Variants in ZBTB20 observed in about 807,000 individuals in gnomAD.
ZBTB20 encodes zinc finger and BTB domain-containing protein 20.
Under a neutral mutation model 56.9 loss-of-function variants are expected in ZBTB20, and 9 were observed. The ratio of observed to expected loss-of-function variants is 0.16; its 90% CI spans 0.10 to 0.28. ZBTB20 has a LOEUF of 0.28. Among genes scored for constraint, ZBTB20 ranks in the 10% least tolerant of loss-of-function variants. ZBTB20 has a pLI of 1.00. For missense variants in ZBTB20, 655 were observed against 1,003.0 expected, an observed-to-expected ratio of 0.65 and a Z score of 4.69; for synonymous variants, 417 against 420.7, an observed-to-expected ratio of 0.99 and a Z score of 0.11.
intron 6 of ZBTB20, among the ~76,000 whole-genome samples, chr3:114,610,295 C>T (rs1191779327): frequency 1.3e-5 from 2 of 152,164 alleles, no homozygotes; most frequent in African/African-American, 4.8e-5. Context: ...ACAAATGCAC[C>T]CACTAATGGG....
chr3:114,632,098 C>CGTAA (rs1437810495), intron 6 of ZBTB20, among the ~76,000 whole-genome samples: 1 of 152,162 alleles, frequency 6.6e-6, no homozygotes, highest in Non-Finnish European at 1.5e-5. Flanking sequence ...TCCGTTTTTA[C>CGTAA]CTATGTCTGG....
chr3:114,473,846 T>C (rs575221800), intron 7 of ZBTB20, among the ~76,000 whole-genome samples: 2 of 152,256 alleles, frequency 1.3e-5, no homozygotes, highest in Admixed American at 1.3e-4. Context: ...CCCAGAGAAG[T>C]AAGAGGTACA....
At chr3:114,756,994 C>G (rs1414673932) in intron 5 of ZBTB20, among the ~76,000 whole-genome samples, 1 of 152,084 alleles carries the variant, frequency 6.6e-6, no homozygotes, top group African/African-American at 2.4e-5. Context: ...TGTTGCTTTT[C>G]CCCTCAGCAT....
intron 7 of ZBTB20, among the ~76,000 whole-genome samples, chr3:114,457,117 G>C (rs890301736): frequency 1.3e-5 from 2 of 152,220 alleles, no homozygotes; most frequent in African/African-American, 4.8e-5. Flanking sequence ...ATACCTGATA[G>C]GCCAGAGCCC....
chr3:114,478,271 T>C (rs775087897), intron 7 of ZBTB20, among the ~76,000 whole-genome samples: 15 of 152,202 alleles, frequency 9.9e-5, no homozygotes, highest in Non-Finnish European at 1.8e-4. Flanking sequence ...CAGCCTAGAC[T>C]TCAGTGTTTC....
intron 1 of ZBTB20, among the ~76,000 whole-genome samples, chr3:115,098,399 T>A (rs914943186): frequency 6.6e-6 from 1 of 152,128 alleles, no homozygotes; most frequent in African/African-American, 2.4e-5. Flanking sequence ...GAAACAAATT[T>A]TTGGGTCACC....
At chr3:114,688,334 C>G (rs2062477240) in intron 6 of ZBTB20, 3 of 147,294 alleles carry the variant, frequency 2.0e-5, no homozygotes. Context: ...CAGCATCACA[C>G]AATATACCCA....
intron 5 of ZBTB20, among the ~76,000 whole-genome samples, chr3:114,746,347 A>G (rs1228032507): frequency 6.7e-6 from 1 of 149,870 alleles, no homozygotes; most frequent in Non-Finnish European, 1.5e-5. Context: ...CCCTTTTTCT[A>G]CTGTAGTGTG....
At chr3:114,520,416 TGAG>T (rs2046512664) in intron 6 of ZBTB20, among the ~76,000 whole-genome samples, 1 of 152,204 alleles carries the variant, frequency 6.6e-6, no homozygotes, top group African/African-American at 2.4e-5. Flanking sequence ...CATGAGATTT[TGAG>T]GTATACAATT....
chr3:114,885,037 G>C (rs986416087), intron 4 of ZBTB20, among the ~76,000 whole-genome samples: 1 of 152,164 alleles, frequency 6.6e-6, no homozygotes, highest in African/African-American at 2.4e-5. Flanking sequence ...AAAATTTATA[G>C]GATATGGCAA....
chr3:114,520,805 A>G (rs1361897500), intron 6 of ZBTB20, among the ~76,000 whole-genome samples: 1 of 152,146 alleles, frequency 6.6e-6, no homozygotes, highest in Non-Finnish European at 1.5e-5. Context: ...TCAACATGTC[A>G]AAGCTGAACT....
intron 5 of ZBTB20, among the ~76,000 whole-genome samples, chr3:114,775,569 A>C (rs1459034884): frequency 3.3e-5 from 5 of 150,106 alleles, no homozygotes; most frequent in Non-Finnish European, 5.9e-5. Context: ...GCAGTGACTC[A>C]TCAAGAAAAC....
intron 4 of ZBTB20, among the ~76,000 whole-genome samples, chr3:114,827,091 A>G (rs1294552766): frequency 6.6e-6 from 1 of 151,766 alleles, no homozygotes; most frequent in East Asian, 1.9e-4. Context: ...AAGTCAATTA[A>G]TAATTTGCCT....
At chr3:114,441,637 A>G (rs1430292627) in intron 7 of ZBTB20, among the ~76,000 whole-genome samples, 2 of 152,134 alleles carry the variant, frequency 1.3e-5, no homozygotes, top group Non-Finnish European at 2.9e-5. Flanking sequence ...GAGAAGGGAT[A>G]CAGAGCTCTG....
chr3:114,931,955 C>G (rs1038964147), intron 3 of ZBTB20, among the ~76,000 whole-genome samples: 2 of 152,180 alleles, frequency 1.3e-5, no homozygotes, highest in African/African-American at 4.8e-5. Context: ...AATCCTTATG[C>G]TTTTGTGATG....
At chr3:114,392,400 T>C (rs2085958320) in intron 7 of ZBTB20, among the ~76,000 whole-genome samples, 1 of 152,178 alleles carries the variant, frequency 6.6e-6, no homozygotes, top group Non-Finnish European at 1.5e-5. Context: ...CAGAAATATA[T>C]ACACCTACTA....
At chr3:114,476,759 T>A (rs1374845674) in intron 7 of ZBTB20, among the ~76,000 whole-genome samples, 1 of 152,208 alleles carries the variant, frequency 6.6e-6, no homozygotes, top group Non-Finnish European at 1.5e-5. Context: ...AGATTAAGTG[T>A]CCAACACAAG....
chr3:114,913,516 T>C (rs1052714844), intron 3 of ZBTB20, among the ~76,000 whole-genome samples: 5 of 152,094 alleles, frequency 3.3e-5, no homozygotes, highest in Admixed American at 6.6e-5. Context: ...GCAAACACTT[T>C]CTCTCATTCT....
intron 5 of ZBTB20, among the ~76,000 whole-genome samples, chr3:114,748,290 CT>C (rs1384739755): frequency 1.6e-4 from 20 of 124,306 alleles, no homozygotes; most frequent in Non-Finnish European, 3.1e-4. Flanking sequence ...TTCTTTCTTT[CT>C]TTCTTTCTTT....
Sources: allele counts gnomAD v4.1 joint callset (sites outside exome capture counted in the v4.1 genomes callset), GRCh38; gene constraint gnomAD v4.1.1; transcripts MANE v1.5; gene names NCBI Gene and HGNC (gene_info 2026-07-23, HGNC 2026-07-21).